CCDC80: variants seen among roughly 807,000 people sequenced by gnomAD.
The protein encoded by CCDC80 is coiled-coil domain containing 80.
In CCDC80, 49 loss-of-function variants were observed where a neutral mutation model predicts 78.7. The observed-to-expected ratio is 0.62, with a 90% confidence interval of 0.50 to 0.79. The LOEUF is 0.79. Among genes scored for constraint, CCDC80 ranks in the 30% least tolerant of loss-of-function variants. The pLI, the probability that CCDC80 is intolerant of heterozygous loss-of-function variation, is 0.00. For missense variants in CCDC80, 1,205 were observed against 1,198.6 expected, an observed-to-expected ratio of 1.01 and a Z score of -0.08; for synonymous variants, 488 against 447.0, an observed-to-expected ratio of 1.09 and a Z score of -1.16.
At position 112,602,523 on chromosome 3, in the gene CCDC80, T is replaced by C. The variant is rs138552948; in HGVS notation, c.*2894A>G. The C allele has an allele frequency of 6.6e-6, 1 of 152,174 alleles. No individual in the cohort carries two copies. The highest frequency in any genetic ancestry group is 1.5e-5 in the Non-Finnish European group (1 of 68,020). 9.4% of individuals were successfully genotyped at this position (152,174 alleles called of 1,614,324 possible). ...GCAAAGGAAAAGTTCTTGAAGGAAA[T>C]TAAAAGTGCTACTTTGTGAATGCAT... is the stretch of plus-strand genomic sequence containing the variant. On this transcript the variant is annotated 3_prime_UTR_variant, in exon 8 of 8. Transcript: ENST00000206423.
At position 112,622,822 on chromosome 3, in the gene CCDC80, ATTTTTTTTTTT is replaced by A. The variant is rs373170477; in HGVS notation, c.2036-3729_2036-3719del. ...AGGCATGCACCACCATGCCCAGCTAATTTTTTTTTTTTTTTTTTTTTTTTTGTATTTTTAGT... is the reference window on the plus strand; with the variant it reads ...AGGCATGCACCACCATGCCCAGCTAATTTTTTTTTTTTTTGTATTTTTAGT... On this transcript the variant is annotated intron_variant, in intron 3 of 7. Coordinates refer to ENST00000206423, the MANE Select transcript of CCDC80 (RefSeq NM_199511.3). Among the ~76,000 whole-genome samples, 148 of 118,904 alleles carry A rather than the reference ATTTTTTTTTTT, an allele frequency of 1.2e-3. 4 individuals are homozygous for A. In the South Asian group the frequency reaches 0.035, roughly 28 times the overall value. The allele number at this position is 118,904 out of a possible 152,430, so 78.0% of individuals were successfully genotyped here.
intron 5 of CCDC80, among the ~76,000 whole-genome samples, chr3:112,613,862 T>C (rs1183318885): frequency 2.0e-5 from 3 of 151,530 alleles, no homozygotes; most frequent in Non-Finnish European, 4.4e-5. Context: ...ATATATATGT[T>C]TGTATATATC....
Position 112,616,564 on chromosome 3 carries a change from C to T in CCDC80, c.2321+146G>A, listed in dbSNP as rs1195618507. 11 of 832,004 alleles carry T rather than the reference C, an allele frequency of 1.3e-5. No individual in the cohort carries two copies. In the Admixed American group the frequency reaches 2.3e-4, roughly 17 times the overall value. The allele number at this position is 832,004 out of a possible 1,614,324, so 51.5% of individuals were successfully genotyped here. ...GACATTTCAACAGGACAAGACTAAG[C>T]TCAGTGGCCAGAGATGGGTAGGTTT... On this transcript the variant is annotated intron_variant, in intron 5 of 7. Coordinates refer to ENST00000206423, the MANE Select transcript of CCDC80 (RefSeq NM_199511.3).
At chr3:112,628,696 G>C (rs1391297821) in intron 3 of CCDC80, among the ~76,000 whole-genome samples, 1 of 152,104 alleles carries the variant, frequency 6.6e-6, no homozygotes, top group Non-Finnish European at 1.5e-5. Flanking sequence ...TTTTGGTTAA[G>C]AAAATTCCTT....
intron 3 of CCDC80, among the ~76,000 whole-genome samples, chr3:112,621,794 C>T (rs1280751463): frequency 6.6e-6 from 1 of 152,176 alleles, no homozygotes; most frequent in Non-Finnish European, 1.5e-5. Context: ...CATAGGACAG[C>T]TCACATTCAA....
chr3:112,637,946 T>C (rs1434450273), intron 2 of CCDC80, 82 bp downstream of exon 2: 1 of 1,524,518 alleles, frequency 6.6e-7, no homozygotes. Context: ...TCTAGCAATA[T>C]GATTTTTACA....
chr3:112,605,847 G>T, intron 7 of CCDC80, 84 bp from the exon 8 acceptor site: 1 of 1,103,478 alleles, frequency 9.1e-7, no homozygotes, highest in Non-Finnish European at 1.3e-6. Context: ...AAATTACTGT[G>T]AGAATAGGGA....
At chr3:112,627,891 G>C (rs1450820908) in intron 3 of CCDC80, among the ~76,000 whole-genome samples, 1 of 148,468 alleles carries the variant, frequency 6.7e-6, no homozygotes, top group Non-Finnish European at 1.5e-5. Flanking sequence ...AAGACCCACA[G>C]CCCCTCTACA....
intron 3 of CCDC80, among the ~76,000 whole-genome samples, chr3:112,626,631 TCTGCCTCCCAGGTTCAAGAAATTCTC>T (rs1345395880): frequency 6.6e-6 from 1 of 152,142 alleles, no homozygotes; most frequent in African/African-American, 2.4e-5. Context: ...CACTGCAACC[TCTGCCTCCCAGGTTCAAGAAATTCTC>T]CTGCCTCAAC....
At position 112,601,660 on chromosome 3, in the gene CCDC80, C is replaced by CA; in HGVS notation, c.*3756dup. On this transcript the variant is annotated 3_prime_UTR_variant, in exon 8 of 8. Coordinates refer to ENST00000206423, the MANE Select transcript of CCDC80 (RefSeq NM_199511.3). ...CACTACTGCACTGCAGCCTGGGTGA[C>CA]AGAGTGAGACCCTCTCCAAAAAAAG... 7.4e-6 allele frequency: 1 copy of CA among 134,762 alleles called. No individual in the cohort carries two copies. Among genetic ancestry groups the CA allele is most frequent in the Non-Finnish European group, 1.5e-5 (1 of 66,902 alleles). The allele number at this position is 134,762 out of a possible 1,614,324, so 8.3% of individuals were successfully genotyped here.
chr3:112,600,742 G>A lies in CCDC80; in HGVS notation c.*4675C>T, dbSNP rs747726127. The A allele has an allele frequency of 5.3e-5, 8 of 152,214 alleles. No individual in the cohort carries two copies. Among genetic ancestry groups the A allele is most frequent in the African/African-American group, 7.3e-5 (3 of 41,378 alleles). 9.4% of individuals were successfully genotyped at this position (152,214 alleles called of 1,614,324 possible). A position where few individuals can be genotyped will look rare whatever the true frequency, so the allele number is the denominator to read the frequency against. ...TGGTCTCGAAGTCCTGGGCTCAAGC[G>A]ACCCGCTCACCTTGGCCTCCCAAAG... On this transcript the variant is annotated 3_prime_UTR_variant, in exon 8 of 8. Transcript: ENST00000206423.
At position 112,605,126 on chromosome 3, in the gene CCDC80, C is replaced by T. The variant is rs1935453969; in HGVS notation, c.*291G>A. 2.0e-5 allele frequency: 5 copies of T among 249,610 alleles called. No individual in the cohort carries two copies. The allele number at this position is 249,610 out of a possible 1,614,324, so 15.5% of individuals were successfully genotyped here. Reference sequence around the variant, plus strand: ...TACATATTTTATAAAATTTTATATGCCAAATAAGGTCCTTCATATAAGAAA... The same window carrying T: ...TACATATTTTATAAAATTTTATATGTCAAATAAGGTCCTTCATATAAGAAA... On this transcript the variant is annotated 3_prime_UTR_variant, in exon 8 of 8. Coordinates refer to ENST00000206423, the MANE Select transcript of CCDC80 (RefSeq NM_199511.3).
At chr3:112,625,875 A>G (rs1427710639) in intron 3 of CCDC80, among the ~76,000 whole-genome samples, 2 of 152,202 alleles carry the variant, frequency 1.3e-5, no homozygotes, top group African/African-American at 4.8e-5. Context: ...TCTTTGAAAA[A>G]TTAAACAAAA....
At position 112,603,689 on chromosome 3, in the gene CCDC80, C is replaced by T. The variant is rs1935416010; in HGVS notation, c.*1728G>A. 1 of 151,582 alleles carries T rather than the reference C, an allele frequency of 6.6e-6. No homozygotes were observed. Among genetic ancestry groups the T allele is most frequent in the Admixed American group, 6.6e-5 (1 of 15,180 alleles). The allele number at this position is 151,582 out of a possible 1,614,324, so 9.4% of individuals were successfully genotyped here. A position where few individuals can be genotyped will look rare whatever the true frequency, so the allele number is the denominator to read the frequency against. On this transcript the variant is annotated 3_prime_UTR_variant, in exon 8 of 8. Coordinates refer to ENST00000206423, the MANE Select transcript of CCDC80 (RefSeq NM_199511.3). The stretch of plus-strand genomic sequence containing the variant: ...AGATATACAAGGAGATTAATATTTT[C>T]GTGCCTGCTAACACAATACCTATTG...
At chr3:112,613,774 A>G (rs1241886720) in intron 5 of CCDC80, among the ~76,000 whole-genome samples, 1 of 152,098 alleles carries the variant, frequency 6.6e-6, no homozygotes, top group Non-Finnish European at 1.5e-5. Context: ...ACTGGGATAG[A>G]TCACTAACCC....
In CCDC80 at chr3:112,620,722, C is replaced by A. The variant is rs533690387; in HGVS notation, c.2036-1618G>T. ...ATATTTTACTTTGTGAATAGTAATACTAATAATAAAGAAAATCATTCAAAA... is the reference window on the plus strand; with the variant it reads ...ATATTTTACTTTGTGAATAGTAATAATAATAATAAAGAAAATCATTCAAAA... On this transcript the variant is annotated intron_variant, in intron 3 of 7. Coordinates refer to ENST00000206423, the MANE Select transcript of CCDC80 (RefSeq NM_199511.3). 9.3e-4 allele frequency among the ~76,000 whole-genome samples: 141 copies of A among 152,114 alleles called. 3 individuals carry two copies. The South Asian group carries it at 0.028, about 30-fold the overall frequency.
chr3:112,606,514 C>T (rs566341990), intron 7 of CCDC80, among the ~76,000 whole-genome samples: 9 of 151,738 alleles, frequency 5.9e-5, no homozygotes, highest in African/African-American at 1.9e-4. Context: ...CAATCTCCAC[C>T]TCCGAGGTTC....
chr3:112,618,983 C>T lies in CCDC80; in HGVS notation c.2157G>A (p.Val719=). The change falls in exon 4 of 8, where the codon GTG becomes GTA. Residue 719 remains valine (V), a synonymous_variant. Transcript: ENST00000206423. ...YNDFFMVLTD[V]DLRVKQYYEV... is the part of the protein sequence containing the mutation. The stretch of plus-strand genomic sequence containing the variant: ...GAAACTGTACCTTGACTCTCAGATC[C>T]ACATCTGTTAGCACCATGAAGAAGT... The T allele has an allele frequency of 6.2e-7, 1 of 1,613,680 alleles. No individual in the cohort carries two copies. The highest frequency in any genetic ancestry group is 8.5e-7 in the Non-Finnish European group (1 of 1,179,858).
chr3:112,607,138 A>T, intron 7 of CCDC80, 38 bp downstream of exon 7: 1 of 1,448,956 alleles, frequency 6.9e-7, no homozygotes, highest in South Asian at 1.2e-5. Context: ...ACTGAACTTA[A>T]CACTAGTTCA....
Sources: allele counts gnomAD v4.1 joint callset (sites outside exome capture counted in the v4.1 genomes callset), GRCh38; gene constraint gnomAD v4.1.1; transcripts MANE v1.5; gene names NCBI Gene and HGNC (gene_info 2026-07-23, HGNC 2026-07-21).